Variants in WWOX observed in about 807,000 individuals in gnomAD.
The protein encoded by WWOX is WW domain-containing oxidoreductase.
WWOX carries 69 observed loss-of-function variants against 46.2 expected under a neutral mutation model. That is an observed-to-expected ratio of 1.49 (90% CI 1.23 to 1.82). The LOEUF is 1.82. WWOX is among the 40% of genes most tolerant of loss of function. WWOX has a pLI of 0.00. For missense variants in WWOX, 919 were observed against 542.6 expected (o/e 1.69, Z -6.89); for synonymous variants, 359 against 202.6 (o/e 1.77, Z -6.56).
At chr16:78,571,151 C>A (rs1218636911) in intron 8 of WWOX, among the ~76,000 whole-genome samples, 5 of 152,140 alleles carry the variant, frequency 3.3e-5, no homozygotes, top group African/African-American at 1.2e-4. Context: ...TTCTGAAAAT[C>A]CACTGAGGAA....
chr16:78,819,705 G>T (rs544259018), intron 8 of WWOX, among the ~76,000 whole-genome samples: 1 of 152,204 alleles, frequency 6.6e-6, no homozygotes, highest in African/African-American at 2.4e-5. Flanking sequence ...CAAGAACCCT[G>T]TTGGCCTAAG....
chr16:78,305,289 T>C (rs906388526), intron 5 of WWOX, among the ~76,000 whole-genome samples: 5 of 152,144 alleles, frequency 3.3e-5, no homozygotes, highest in African/African-American at 1.2e-4. Flanking sequence ...TGATCCTCCC[T>C]TGCCAGGGAG....
At chr16:78,925,515 C>T (rs905360615) in intron 8 of WWOX, among the ~76,000 whole-genome samples, 2 of 152,214 alleles carry the variant, frequency 1.3e-5, no homozygotes, top group South Asian at 2.1e-4. Context: ...ACCAGGAACT[C>T]GCTTATGTGT....
intron 8 of WWOX, among the ~76,000 whole-genome samples, chr16:78,524,865 CTTTT>C (rs370620034): frequency 2.1e-5 from 1 of 48,530 alleles, no homozygotes; most frequent in Non-Finnish European, 4.4e-5. Flanking sequence ...GTTTTTCTTT[CTTTT>C]TTTTTTTTTT....
chr16:79,013,317 C>G (rs117323263), intron 8 of WWOX, among the ~76,000 whole-genome samples: 3 of 152,288 alleles, frequency 2.0e-5, no homozygotes, highest in Admixed American at 1.3e-4. Flanking sequence ...TGCCAGCAGG[C>G]TGTGCTGGGG....
intron 8 of WWOX, among the ~76,000 whole-genome samples, chr16:79,174,498 AAT>A (rs2050762041): frequency 6.6e-6 from 1 of 152,104 alleles, no homozygotes; most frequent in Non-Finnish European, 1.5e-5. Flanking sequence ...AAAATACAAA[AAT>A]TAGCCAGGCG....
chr16:78,894,020 T>TTTATTA (rs6145911), intron 8 of WWOX, among the ~76,000 whole-genome samples: 13,434 of 139,912 alleles, frequency 0.096, 1,093 homozygotes, highest in African/African-American at 0.22. Flanking sequence ...TATTGAGGCT[T>TTTATTA]TTATTATTAT....
At chr16:78,354,341 G>C (rs2081242778) in intron 5 of WWOX, among the ~76,000 whole-genome samples, 1 of 119,282 alleles carries the variant, frequency 8.4e-6, no homozygotes. Context: ...AGGTGTGTAG[G>C]TATGTGACTG....
At chr16:78,673,179 C>T (rs2047508151) in intron 8 of WWOX, among the ~76,000 whole-genome samples, 1 of 152,136 alleles carries the variant, frequency 6.6e-6, no homozygotes, top group Non-Finnish European at 1.5e-5. Context: ...GGCTGCGGCC[C>T]TGTGAGGTGA....
chr16:79,105,141 A>T (rs912521069), intron 8 of WWOX, among the ~76,000 whole-genome samples: 2 of 152,184 alleles, frequency 1.3e-5, no homozygotes, highest in Non-Finnish European at 2.9e-5. Context: ...CTGTAGCCCC[A>T]GAGCCTCTCG....
intron 8 of WWOX, among the ~76,000 whole-genome samples, chr16:78,529,155 G>A (rs552863531): frequency 6.6e-6 from 1 of 151,702 alleles, no homozygotes; most frequent in East Asian, 2.0e-4. Flanking sequence ...GGGTCTGACT[G>A]TATTGCCCAG....
intron 8 of WWOX, among the ~76,000 whole-genome samples, chr16:78,803,051 G>C (rs149646789): frequency 6.6e-6 from 1 of 151,028 alleles, no homozygotes; most frequent in South Asian, 2.1e-4. Flanking sequence ...GTAGGTGCAA[G>C]AGTATCTAGT....
intron 8 of WWOX, among the ~76,000 whole-genome samples, chr16:78,682,244 T>C (rs539408898): frequency 9.8e-5 from 15 of 152,308 alleles, no homozygotes; most frequent in Non-Finnish European, 1.3e-4. Context: ...CACTCTTCTG[T>C]CATGAAATAA....
At chr16:78,420,631 A>T (rs886254493) in intron 6 of WWOX, among the ~76,000 whole-genome samples, 4 of 147,190 alleles carry the variant, frequency 2.7e-5, no homozygotes, top group African/African-American at 1.0e-4. Flanking sequence ...AGGTAGATAG[A>T]GGGTGGCTAG....
At chr16:78,721,867 CACACGTGCG>C (rs2048700408) in intron 8 of WWOX, among the ~76,000 whole-genome samples, 1 of 152,216 alleles carries the variant, frequency 6.6e-6, no homozygotes, top group Non-Finnish European at 1.5e-5. Context: ...AGAGCAAACG[CACACGTGCG>C]TAGGAGCTGG....
At chr16:78,755,816 A>G (rs2049632002) in intron 8 of WWOX, among the ~76,000 whole-genome samples, 10 of 152,212 alleles carry the variant, frequency 6.6e-5, no homozygotes, top group Admixed American at 6.5e-4. Context: ...TCGCCATTTA[A>G]TAGCTTTGGG....
Position 78,621,996 on chromosome 16 carries a change from A to G in WWOX, c.1056+189244A>G, listed in dbSNP as rs75771786. 5.5e-3 allele frequency among the ~76,000 whole-genome samples: 832 copies of G among 152,172 alleles called. 9 individuals carry two copies. The highest frequency in any genetic ancestry group is 0.019 in the African/African-American group (773 of 41,500). Reference sequence around the variant, plus strand: ...ATGTTTTAGTGCTCCTGGATGTCCAATGTCATTCTTGGGCTAGTTGAAGGA... The same window carrying G: ...ATGTTTTAGTGCTCCTGGATGTCCAGTGTCATTCTTGGGCTAGTTGAAGGA... On this transcript the variant is annotated intron_variant, in intron 8 of 8. Transcript: ENST00000566780.
chr16:78,552,620 GCGTGT>G (rs1391772352), intron 8 of WWOX: 1 of 152,164 alleles, frequency 6.6e-6, no homozygotes, highest in African/African-American at 2.4e-5. Flanking sequence ...CGGCATCCAC[GCGTGT>G]CTTTCTCATG....
intron 5 of WWOX, among the ~76,000 whole-genome samples, chr16:78,224,117 C>T (rs1201870030): frequency 1.3e-5 from 2 of 152,106 alleles, no homozygotes; most frequent in East Asian, 1.9e-4. Context: ...CATTTTCCTG[C>T]CTCAGCCTCC....
Sources: allele counts gnomAD v4.1 joint callset (sites outside exome capture counted in the v4.1 genomes callset), GRCh38; gene constraint gnomAD v4.1.1; transcripts MANE v1.5; gene names NCBI Gene and HGNC (gene_info 2026-07-23, HGNC 2026-07-21).